KIF16B: variants seen among roughly 807,000 people sequenced by gnomAD.
KIF16B encodes the protein kinesin family member 16B, also known as kinesin-like protein KIF16B.
Under a neutral mutation model 156.3 loss-of-function variants are expected in KIF16B, and 98 were observed. The ratio of observed to expected loss-of-function variants is 0.63; its 90% CI spans 0.53 to 0.74. The LOEUF (loss-of-function observed/expected upper bound fraction) is 0.74. KIF16B is among the 30% of genes least tolerant of loss of function. The pLI, the probability that KIF16B is intolerant of heterozygous loss-of-function variation, is 0.00. For missense variants in KIF16B, 1,421 were observed against 1,606.5 expected (o/e 0.88, Z 1.97); for synonymous variants, 564 against 583.7 (o/e 0.97, Z 0.49).
At chr20:16,356,061 C>A (rs1600197715) in intron 23 of KIF16B, among the ~76,000 whole-genome samples, 3 of 152,246 alleles carry the variant, frequency 2.0e-5, no homozygotes, top group East Asian at 3.9e-4. Flanking sequence ...AAGTCTTGGG[C>A]AACCTGGATG....
At chr20:16,562,159 T>A (rs987848312) in intron 1 of KIF16B, among the ~76,000 whole-genome samples, 4 of 152,222 alleles carry the variant, frequency 2.6e-5, no homozygotes, top group Non-Finnish European at 4.4e-5. Context: ...AAAATAAAAA[T>A]TTTTTAAAAT....
At chr20:16,493,905 C>A (rs545954803) in intron 12 of KIF16B, among the ~76,000 whole-genome samples, 7 of 152,116 alleles carry the variant, frequency 4.6e-5, no homozygotes, top group Non-Finnish European at 7.4e-5. Flanking sequence ...AATATTGCCA[C>A]GGGAAATATT....
chr20:16,472,857 T>C (rs2067703139), intron 12 of KIF16B, among the ~76,000 whole-genome samples: 2 of 152,170 alleles, frequency 1.3e-5, no homozygotes, highest in South Asian at 4.1e-4. Flanking sequence ...CCTAAGAGCA[T>C]ACCGTTTGTT....
intron 15 of KIF16B, among the ~76,000 whole-genome samples, chr20:16,419,644 G>T (rs941236941): frequency 6.6e-6 from 1 of 152,156 alleles, no homozygotes; most frequent in Non-Finnish European, 1.5e-5. Context: ...ATAGTCAATG[G>T]ATCTGACAAA....
chr20:16,551,087 T>C (rs1017427406), intron 1 of KIF16B, among the ~76,000 whole-genome samples: 1 of 152,006 alleles, frequency 6.6e-6, no homozygotes, highest in Non-Finnish European at 1.5e-5. Context: ...TCTAATTTCT[T>C]ATTTAGGATT....
chr20:16,361,834 T>C (rs1271203865), intron 22 of KIF16B, among the ~76,000 whole-genome samples: 1 of 152,184 alleles, frequency 6.6e-6, no homozygotes, highest in Non-Finnish European at 1.5e-5. Context: ...TTCTTCTACA[T>C]AGATCTGAGC....
intron 12 of KIF16B, among the ~76,000 whole-genome samples, chr20:16,487,990 A>G (rs1347045425): frequency 6.6e-6 from 1 of 152,158 alleles, no homozygotes. Flanking sequence ...CAAATTGCTC[A>G]CTTTCCAAGG....
intron 1 of KIF16B, among the ~76,000 whole-genome samples, chr20:16,558,477 T>C (rs1429702755): frequency 1.3e-5 from 2 of 152,202 alleles, no homozygotes; most frequent in Non-Finnish European, 2.9e-5. Flanking sequence ...GAGAAGACTG[T>C]GAGGCCCCAG....
intron 22 of KIF16B, chr20:16,368,526 C>T: frequency 1.0e-6 from 1 of 986,060 alleles, no homozygotes; most frequent in South Asian, 4.7e-5. Flanking sequence ...CTTGGCTGAT[C>T]ACCTTTGTGC....
intron 17 of KIF16B, among the ~76,000 whole-genome samples, chr20:16,393,754 A>G (rs2065426823): frequency 6.6e-6 from 1 of 152,266 alleles, no homozygotes; most frequent in Non-Finnish European, 1.5e-5. Flanking sequence ...GATGCTATGA[A>G]TAAGTAGCCC....
intron 25 of KIF16B, among the ~76,000 whole-genome samples, chr20:16,283,279 G>A (rs1343597701): frequency 6.6e-6 from 1 of 152,226 alleles, no homozygotes; most frequent in Admixed American, 6.5e-5. Context: ...TTTGCACCCA[G>A]TGCTGGGCAG....
At chr20:16,459,800 A>T (rs1410289308) in intron 12 of KIF16B, among the ~76,000 whole-genome samples, 1 of 152,162 alleles carries the variant, frequency 6.6e-6, no homozygotes, top group African/African-American at 2.4e-5. Flanking sequence ...GCACCAAAGA[A>T]TCTCATATGA....
rs189051335 is a variant in KIF16B, at chr20:16,379,075, G to A, written c.2927C>T (p.Thr976Ile). Reference sequence around the variant, plus strand: ...TTCCTCCTGACGTGCAATGTTGGCAGTGAATTCAAAGGTGGCTTGGAGCTT... The same window carrying A: ...TTCCTCCTGACGTGCAATGTTGGCAATGAATTCAAAGGTGGCTTGGAGCTT... ...LQKLQATFEF[T>I]ANIARQEEKV... is the part of the protein sequence containing the mutation. Residue 976 changes from threonine to isoleucine, a missense_variant, in exon 19 of 26, where the codon ACT (threonine) becomes ATT (isoleucine). Coordinates refer to ENST00000354981, the MANE Select transcript of KIF16B (RefSeq NM_024704.5). The A allele has an allele frequency of 3.0e-5, 48 of 1,611,810 alleles. No individual in the cohort carries two copies. In the East Asian group the frequency reaches 1.0e-3, roughly 35 times the overall value.
At chr20:16,406,336 G>C (rs16997573) in intron 16 of KIF16B, 38 bp downstream of exon 16, 28 of 1,566,684 alleles carry the variant, frequency 1.8e-5, no homozygotes, top group Non-Finnish European at 2.3e-5. Flanking sequence ...CCTCACATAC[G>C]ATCAGTGGTT....
intron 3 of KIF16B, among the ~76,000 whole-genome samples, chr20:16,521,164 T>C (rs770940097): frequency 5.9e-5 from 9 of 151,984 alleles, no homozygotes; most frequent in Non-Finnish European, 1.3e-4. Context: ...GGACAGAGAA[T>C]GAGTTTGATG....
At chr20:16,380,249 T>C (rs1330125748) in intron 18 of KIF16B, 86 bp from the exon 19 acceptor site, 2 of 1,228,472 alleles carry the variant, frequency 1.6e-6, no homozygotes, top group Admixed American at 2.8e-5. Flanking sequence ...AAAATGCACA[T>C]ACAACCAGGT....
intron 22 of KIF16B, among the ~76,000 whole-genome samples, chr20:16,360,072 T>C (rs1365163247): frequency 1.3e-5 from 2 of 152,110 alleles, no homozygotes; most frequent in Non-Finnish European, 2.9e-5. Context: ...AAGGTAGGGA[T>C]CTGAGCAAAT....
At chr20:16,460,922 TA>T (rs1376645700) in intron 12 of KIF16B, among the ~76,000 whole-genome samples, 1 of 151,770 alleles carries the variant, frequency 6.6e-6, no homozygotes. Context: ...TTGGGACAGT[TA>T]AAAAAAATTT....
At chr20:16,428,875 T>C in intron 14 of KIF16B, 78 bp downstream of exon 14, 1 of 1,135,768 alleles carries the variant, frequency 8.8e-7, no homozygotes, top group South Asian at 1.2e-5. Context: ...TACTTCAATG[T>C]CAGTCATTCG....
Sources: allele counts gnomAD v4.1 joint callset (sites outside exome capture counted in the v4.1 genomes callset), GRCh38; gene constraint gnomAD v4.1.1; transcripts MANE v1.5; gene names NCBI Gene and HGNC (gene_info 2026-07-23, HGNC 2026-07-21).